The following SLC35F3 variants were observed in gnomAD, a reference collection of about 807,000 sequenced individuals.
The protein encoded by SLC35F3 is solute carrier family 35 member F3.
SLC35F3 carries 25 observed loss-of-function variants against 49.9 expected under a neutral mutation model. The ratio of observed to expected loss-of-function variants is 0.50; its 90% CI spans 0.37 to 0.70. The LOEUF (loss-of-function observed/expected upper bound fraction) is 0.70. SLC35F3 is among the 30% of genes least tolerant of loss of function. SLC35F3 has a pLI of 0.00. For synonymous variants in SLC35F3, 275 were observed against 265.4 expected (o/e 1.04, Z -0.35); for missense variants, 525 against 639.8 (o/e 0.82, Z 1.94).
chr1:234,010,345 A>G (rs1302762390), intron 2 of SLC35F3, among the ~76,000 whole-genome samples: 1 of 152,214 alleles, frequency 6.6e-6, no homozygotes, highest in Non-Finnish European at 1.5e-5. Context: ...TAGTAGATGC[A>G]CAAAACATAA....
intron 3 of SLC35F3, among the ~76,000 whole-genome samples, chr1:234,279,458 G>A (rs1290081900): frequency 6.6e-6 from 1 of 152,126 alleles, no homozygotes; most frequent in Admixed American, 6.5e-5. Flanking sequence ...AAGACAGAGG[G>A]GAGACGAACA....
intron 3 of SLC35F3, among the ~76,000 whole-genome samples, chr1:234,279,860 T>C (rs1027640198): frequency 2.0e-5 from 3 of 152,226 alleles, no homozygotes; most frequent in Non-Finnish European, 4.4e-5. Context: ...CCATTCATTA[T>C]GTTTTCTCCA....
intron 2 of SLC35F3, among the ~76,000 whole-genome samples, chr1:233,971,743 G>C (rs1572003323): frequency 6.7e-6 from 1 of 149,814 alleles, no homozygotes; most frequent in Non-Finnish European, 1.5e-5. Context: ...AAGATACCCA[G>C]GCCTCCTCTG....
chr1:233,956,878 A>G (rs1200119778), intron 2 of SLC35F3, among the ~76,000 whole-genome samples: 3 of 152,174 alleles, frequency 2.0e-5, no homozygotes, highest in African/African-American at 7.2e-5. Context: ...AAGGCCCCCT[A>G]GGAATCCACA....
chr1:234,096,946 A>G (rs940456518), intron 2 of SLC35F3, among the ~76,000 whole-genome samples: 2 of 148,214 alleles, frequency 1.3e-5, no homozygotes, highest in Non-Finnish European at 1.5e-5. Flanking sequence ...CTGGAGTGCA[A>G]TGGTGTGCTC....
At chr1:233,941,015 C>G (rs192243829) in intron 2 of SLC35F3, among the ~76,000 whole-genome samples, 12 of 152,266 alleles carry the variant, frequency 7.9e-5, no homozygotes, top group Non-Finnish European at 5.9e-5. Flanking sequence ...TATTTTTCCC[C>G]AGTTGTCACC....
At position 233,905,521 on chromosome 1, in the gene SLC35F3, G is replaced by T; in HGVS notation, c.54-8G>T. ...CCACCCACCTGCCCGTGGCGCCTGC[G>T]ACCGCAGTGGCATGAGGAGGTCACC... On this transcript the variant is annotated splice_region_variant and splice_polypyrimidine_tract_variant and intron_variant, in intron 1 of 7. Transcript: ENST00000366618. 1 of 1,608,172 alleles carries T rather than the reference G, an allele frequency of 6.2e-7. No individual in the cohort carries two copies. The highest frequency in any genetic ancestry group is 1.1e-5 in the South Asian group (1 of 90,598).
At chr1:233,908,564 CAG>C (rs1438381396) in intron 2 of SLC35F3, among the ~76,000 whole-genome samples, 1 of 83,696 alleles carries the variant, frequency 1.2e-5, no homozygotes, top group Non-Finnish European at 2.2e-5. Context: ...TTTTTTTTGA[CAG>C]AGTCTTATTC....
At position 234,264,031 on chromosome 1, in the gene SLC35F3, C is replaced by G. The variant is rs1268949709; in HGVS notation, c.608+32290C>G. On this transcript the variant is annotated intron_variant, in intron 3 of 7. Coordinates refer to ENST00000366618, the MANE Select transcript of SLC35F3 (RefSeq NM_173508.4). ...GGCTGAGGCAGGAGAATCACTTGAACCCAGGAGGCAGAGGTTGCAGTGAGC... is the reference window on the plus strand; with the variant it reads ...GGCTGAGGCAGGAGAATCACTTGAAGCCAGGAGGCAGAGGTTGCAGTGAGC... 3.9e-5 allele frequency among the ~76,000 whole-genome samples: 6 copies of G among 152,158 alleles called. No individual in the cohort carries two copies. In the South Asian group the frequency reaches 1.0e-3, roughly 26 times the overall value.
At chr1:234,153,363 C>T (rs1373115801) in intron 2 of SLC35F3, among the ~76,000 whole-genome samples, 1 of 152,156 alleles carries the variant, frequency 6.6e-6, no homozygotes, top group Non-Finnish European at 1.5e-5. Flanking sequence ...AATTCCAGCA[C>T]TTAGGGAGGC....
intron 2 of SLC35F3, among the ~76,000 whole-genome samples, chr1:233,993,993 T>C (rs1663409395): frequency 6.6e-6 from 1 of 152,168 alleles, no homozygotes; most frequent in Admixed American, 6.5e-5. Flanking sequence ...GTGAAAAATA[T>C]AAAGTAATTG....
In SLC35F3 at chr1:234,231,749, C is replaced by T; in HGVS notation, c.608+8C>T. 2 of 1,588,404 alleles carry T rather than the reference C, an allele frequency of 1.3e-6. No homozygotes were observed. Among genetic ancestry groups the T allele is most frequent in the Non-Finnish European group, 1.7e-6 (2 of 1,164,192 alleles). On this transcript the variant is annotated splice_region_variant and intron_variant, in intron 3 of 7. Transcript: ENST00000366618. The surrounding 1 kb of genome is among the most constrained non-coding windows in gnomAD (Gnocchi z 5.4). Reference sequence around the variant, plus strand: ...TGTGAAGCAGCGATACAGGTAGGCGCGTCCTGCATGAGGAGGCCTCCTGAC... The same window carrying T: ...TGTGAAGCAGCGATACAGGTAGGCGTGTCCTGCATGAGGAGGCCTCCTGAC...
At chr1:233,912,727 C>T (rs1035580086) in intron 2 of SLC35F3, among the ~76,000 whole-genome samples, 2 of 152,192 alleles carry the variant, frequency 1.3e-5, no homozygotes, top group African/African-American at 4.8e-5. Flanking sequence ...GATTCACATC[C>T]TGGGTGGGAT....
At chr1:233,909,045 G>A (rs917474070) in intron 2 of SLC35F3, among the ~76,000 whole-genome samples, 1 of 151,158 alleles carries the variant, frequency 6.6e-6, no homozygotes, top group African/African-American at 2.4e-5. Flanking sequence ...TTTTAGTAGA[G>A]ACAGGGTTTC....
At chr1:234,286,849 CGTTA>C (rs1668429511) in intron 3 of SLC35F3, among the ~76,000 whole-genome samples, 1 of 152,114 alleles carries the variant, frequency 6.6e-6, no homozygotes, top group African/African-American at 2.4e-5. Flanking sequence ...GTGAGTTTTG[CGTTA>C]GTTCAAAAAT....
At chr1:234,249,877 G>A (rs1418283299) in intron 3 of SLC35F3, among the ~76,000 whole-genome samples, 1 of 152,336 alleles carries the variant, frequency 6.6e-6, no homozygotes, top group Non-Finnish European at 1.5e-5. Context: ...AATGCACCAT[G>A]TTAATTAGGC....
chr1:234,152,491 TC>T (rs935692416), intron 2 of SLC35F3, among the ~76,000 whole-genome samples: 21 of 152,114 alleles, frequency 1.4e-4, no homozygotes, highest in African/African-American at 5.1e-4. Flanking sequence ...GGTTTTCTGT[TC>T]CTGTGTTAGC....
At chr1:234,200,231 C>T (rs908745736) in intron 2 of SLC35F3, among the ~76,000 whole-genome samples, 7 of 152,140 alleles carry the variant, frequency 4.6e-5, no homozygotes, top group African/African-American at 1.2e-4. Flanking sequence ...TGGCTAATGA[C>T]GTTAAGCATC....
intron 2 of SLC35F3, among the ~76,000 whole-genome samples, chr1:234,222,589 G>C (rs563765787): frequency 6.6e-6 from 1 of 152,128 alleles, no homozygotes; most frequent in African/African-American, 2.4e-5. Flanking sequence ...GGTGAGTCTG[G>C]TGGGCTGGCC....
Sources: gnomAD v4.1 joint callset for allele counts (sites outside exome capture counted in the v4.1 genomes callset) on GRCh38, gnomAD v4.1.1 for gene constraint, Gnocchi (gnomAD v3.1) non-coding constraint, MANE v1.5 for transcripts, NCBI Gene and HGNC (gene_info 2026-07-23, HGNC 2026-07-21) for gene names.